PNKD: variants seen among roughly 807,000 people sequenced by gnomAD.
The protein encoded by PNKD is probable thioesterase PNKD.
A neutral mutation model predicts 45.3 loss-of-function variants in PNKD; 36 were observed. The ratio of observed to expected loss-of-function variants is 0.80; its 90% CI spans 0.61 to 1.05. The LOEUF (loss-of-function observed/expected upper bound fraction) is 1.05, where lower values mean the gene tolerates loss of function less well. Among genes scored for constraint, PNKD ranks in the 50% least tolerant of loss-of-function variants. The probability of loss-of-function intolerance (pLI) is 0.00; values close to 1 mark genes in which losing one functional copy is unlikely to be tolerated. For missense variants in PNKD, 511 were observed against 506.6 expected (o/e 1.01, Z -0.08); for synonymous variants, 197 against 210.1 (o/e 0.94, Z 0.54).
rs562788759 is a variant in PNKD, at chr2:218,305,283, GACAA to G, written c.236+33739_236+33742del. On this transcript the variant is annotated intron_variant, in intron 2 of 9. Transcript: ENST00000273077. ...TGCAAGGTGCTGGGGATGAGGGAGA[GACAA>G]ACAAGTGGAGGCCGCCATTTTTTGC... Among the ~76,000 whole-genome samples, 6 of 152,160 alleles carry G rather than the reference GACAA, an allele frequency of 3.9e-5. No homozygotes were observed. The South Asian group carries it at 1.0e-3, about 26-fold the overall frequency.
chr2:218,312,299 G>A (rs1424864445), intron 2 of PNKD, among the ~76,000 whole-genome samples: 1 of 152,202 alleles, frequency 6.6e-6, no homozygotes, highest in African/African-American at 2.4e-5. Context: ...ACTTAGAACA[G>A]TGCCTTGCCT....
intron 9 of PNKD, 74 bp from the exon 10 acceptor site, chr2:218,344,734 G>A (rs1429829022): frequency 2.0e-6 from 3 of 1,505,106 alleles, no homozygotes; most frequent in Non-Finnish European, 2.8e-6. Context: ...TGGGGCAGGG[G>A]TCGGGTCAGG....
intron 2 of PNKD, among the ~76,000 whole-genome samples, chr2:218,321,873 G>A (rs1693994607): frequency 1.3e-5 from 2 of 150,602 alleles, no homozygotes; most frequent in African/African-American, 4.9e-5. Context: ...CGATCCGCAG[G>A]CCTCAGCCTC....
intron 2 of PNKD, among the ~76,000 whole-genome samples, chr2:218,320,678 T>G (rs1262362140): frequency 1.3e-5 from 2 of 152,118 alleles, no homozygotes; most frequent in Non-Finnish European, 2.9e-5. Flanking sequence ...CTTGGAGAGA[T>G]CACACCCAAT....
intron 2 of PNKD, among the ~76,000 whole-genome samples, chr2:218,304,548 G>A (rs1312214631): frequency 1.3e-5 from 2 of 152,146 alleles, no homozygotes; most frequent in Non-Finnish European, 2.9e-5. Flanking sequence ...CGGTAGCCTT[G>A]CAGAGCACTA....
chr2:218,320,154 A>G (rs765928707), intron 2 of PNKD, among the ~76,000 whole-genome samples: 7 of 152,238 alleles, frequency 4.6e-5, no homozygotes, highest in Non-Finnish European at 8.8e-5. Flanking sequence ...AGTATGTAAT[A>G]TGTACCTGGC....
chr2:218,325,342 C>T (rs931473163), intron 2 of PNKD, among the ~76,000 whole-genome samples: 1 of 151,042 alleles, frequency 6.6e-6, no homozygotes, highest in African/African-American at 2.4e-5. Flanking sequence ...TGAGTAGCTG[C>T]GACTACAGGC....
In PNKD at chr2:218,340,626, GCTCTC is replaced by G. The variant is rs1694643324; in HGVS notation, c.466-90_466-86del. ...CCTTTCCTCTGCTTCATCTCTCCAT[GCTCTC>G]CTCTCCTCTCCACCAGCGCCCACAC... On this transcript the variant is annotated intron_variant, in intron 4 of 9. Coordinates refer to ENST00000273077, the MANE Select transcript of PNKD (RefSeq NM_015488.5). This position sits in a 1 kb window ranked among gnomAD's most constrained non-coding sequence, Gnocchi z 4.2. The G allele has an allele frequency of 2.4e-6, 2 of 844,154 alleles. No homozygotes were observed. The highest frequency in any genetic ancestry group is 4.1e-6 in the Non-Finnish European group (2 of 482,302). The allele number at this position is 844,154 out of a possible 1,614,324, so 52.3% of individuals were successfully genotyped here. A position where few individuals can be genotyped will look rare whatever the true frequency, so the allele number is the denominator to read the frequency against.
At chr2:218,275,388 G>A (rs778856282) in intron 2 of PNKD, 37 of 1,494,888 alleles carry the variant, frequency 2.5e-5, no homozygotes, top group Middle Eastern at 4.2e-4. Flanking sequence ...AAGGAAAGGG[G>A]CCTAAAGCCC....
chr2:218,299,868 G>A (rs1574675672), intron 2 of PNKD, among the ~76,000 whole-genome samples: 1 of 151,826 alleles, frequency 6.6e-6, no homozygotes, highest in South Asian at 2.1e-4. Flanking sequence ...TGATCCGCCC[G>A]CCTCAGCCTC....
intron 2 of PNKD, among the ~76,000 whole-genome samples, chr2:218,323,664 C>T (rs1381391551): frequency 6.6e-6 from 1 of 152,042 alleles, no homozygotes; most frequent in Non-Finnish European, 1.5e-5. Context: ...AGAGGCGGGC[C>T]AGGGTGGCCA....
intron 2 of PNKD, 114 bp downstream of exon 2, chr2:218,271,663 A>G: frequency 1.1e-6 from 1 of 904,218 alleles, no homozygotes; most frequent in Non-Finnish European, 1.7e-6. Flanking sequence ...TTGTGGGAAC[A>G]GAATTGTTGG....
chr2:218,292,123 G>C (rs1692968220), intron 2 of PNKD, among the ~76,000 whole-genome samples: 1 of 152,212 alleles, frequency 6.6e-6, no homozygotes, highest in Non-Finnish European at 1.5e-5. Context: ...TGGCATGGTG[G>C]ATAGGCCCTG....
intron 2 of PNKD, chr2:218,292,580 G>A (rs1052020179): frequency 6.6e-6 from 1 of 151,930 alleles, no homozygotes; most frequent in African/African-American, 2.4e-5. Flanking sequence ...CCGGCCTCGT[G>A]GGGCGGGGCC....
At chr2:218,341,675 C>T (rs554674142) in intron 6 of PNKD, 49 bp downstream of exon 6, 1 of 1,332,062 alleles carries the variant, frequency 7.5e-7, no homozygotes, top group Non-Finnish European at 1.1e-6. Flanking sequence ...GGCCCTTTCC[C>T]CCACCCCCAG....
At chr2:218,273,263 GTTTTGTT>G (rs149810512) in intron 2 of PNKD, among the ~76,000 whole-genome samples, 21,440 of 151,742 alleles carry the variant, frequency 0.14, 3,666 homozygotes, top group African/African-American at 0.41. Flanking sequence ...TTCCTCATTT[GTTTTGTT>G]TTTTGTTTTT....
intron 2 of PNKD, among the ~76,000 whole-genome samples, chr2:218,306,373 T>C (rs979219800): frequency 2.0e-5 from 3 of 152,116 alleles, no homozygotes; most frequent in African/African-American, 4.8e-5. Context: ...CCTCTTATCA[T>C]TTCAGTCATA....
In PNKD at chr2:218,345,031, A is replaced by G; in HGVS notation, c.*50A>G. On this transcript the variant is annotated 3_prime_UTR_variant, in exon 10 of 10. Transcript: ENST00000273077. ...CCACTCCCCGCATGGGGAGGCCGCC[A>G]CCACCAACACCTCATCATCCTTCTC... The G allele has an allele frequency of 7.2e-7, 1 of 1,386,262 alleles. No homozygotes were observed. Among genetic ancestry groups the G allele is most frequent in the Non-Finnish European group, 1.0e-6 (1 of 996,760 alleles). The allele number at this position is 1,386,262 out of a possible 1,614,324, so 85.9% of individuals were successfully genotyped here.
intron 2 of PNKD, among the ~76,000 whole-genome samples, chr2:218,294,625 G>A (rs1693099686): frequency 6.6e-6 from 1 of 152,166 alleles, no homozygotes; most frequent in South Asian, 2.1e-4. Context: ...CTACACACAT[G>A]CACCACCACA....
Sources: gnomAD v4.1 joint callset for allele counts (sites outside exome capture counted in the v4.1 genomes callset) on GRCh38, gnomAD v4.1.1 for gene constraint, Gnocchi (gnomAD v3.1) non-coding constraint, MANE v1.5 for transcripts, NCBI Gene and HGNC (gene_info 2026-07-23, HGNC 2026-07-21) for gene names.